C10orf67: variants seen among roughly 807,000 people sequenced by gnomAD.
C10orf67 encodes the protein uncharacterized protein C10orf67, mitochondrial.
Under a neutral mutation model 35.6 loss-of-function variants are expected in C10orf67, and 60 were observed. That is an observed-to-expected ratio of 1.68 (90% CI 1.37 to 2.09). The LOEUF (loss-of-function observed/expected upper bound fraction) is 2.09, where lower values mean the gene tolerates loss of function less well. Among genes scored for constraint, C10orf67 ranks in the 30% most tolerant of loss-of-function variants. The pLI, the probability that C10orf67 is intolerant of heterozygous loss-of-function variation, is 0.00. For missense variants in C10orf67, 474 were observed against 330.2 expected, an observed-to-expected ratio of 1.44 and a Z score of -3.38; for synonymous variants, 167 against 115.8, an observed-to-expected ratio of 1.44 and a Z score of -2.84.
At chr10:23,325,681 T>TATA (rs1554816960) in intron 2 of C10orf67, among the ~76,000 whole-genome samples, 10 of 145,104 alleles carry the variant, frequency 6.9e-5, no homozygotes, top group African/African-American at 1.3e-4. Flanking sequence ...ATTATATATA[T>TATA]AAAAAAAAAA....
chr10:23,218,229 T>A (rs1267092183), intron 15 of C10orf67, among the ~76,000 whole-genome samples: 1 of 151,710 alleles, frequency 6.6e-6, no homozygotes, highest in African/African-American at 2.4e-5. Flanking sequence ...AGCCTCCACC[T>A]CCCTGGGCTC....
intron 8 of C10orf67, among the ~76,000 whole-genome samples, chr10:23,281,612 G>A (rs917816314): frequency 3.9e-5 from 6 of 152,168 alleles, no homozygotes; most frequent in Admixed American, 1.3e-4. Context: ...GTTTTCTTAT[G>A]AGACTAACAC....
At chr10:23,241,534 T>G (rs1424568617) in intron 12 of C10orf67, among the ~76,000 whole-genome samples, 2 of 152,212 alleles carry the variant, frequency 1.3e-5, no homozygotes, top group South Asian at 2.1e-4. Flanking sequence ...CCCATGAAGA[T>G]ATCTACTTTC....
intron 13 of C10orf67, among the ~76,000 whole-genome samples, 161 bp from the exon 14 acceptor site, chr10:23,223,979 A>G (rs1346011913): frequency 1.3e-5 from 2 of 152,216 alleles, no homozygotes; most frequent in African/African-American, 2.4e-5. Flanking sequence ...CTTCATTCCA[A>G]TGGGATAGAG....
intron 15 of C10orf67, among the ~76,000 whole-genome samples, chr10:23,214,571 T>C (rs900170441): frequency 6.6e-6 from 1 of 151,850 alleles, no homozygotes. Flanking sequence ...GAAATATCTT[T>C]TAAAAATAGA....
chr10:23,317,528 T>TGCAGCCGGCATCTTTGCA (rs1201502444), intron 4 of C10orf67: 6 of 152,348 alleles, frequency 3.9e-5, no homozygotes, highest in African/African-American at 1.4e-4. Flanking sequence ...TCTCCCCTGC[T>TGCAGCCGGCATCTTTGCA]GCAGCCGGCA....
At chr10:23,309,591 A>G (rs780841418) in intron 4 of C10orf67, among the ~76,000 whole-genome samples, 1 of 152,200 alleles carries the variant, frequency 6.6e-6, no homozygotes, top group African/African-American at 2.4e-5. Context: ...CGCAGAAACC[A>G]ATGCACTAAA....
intron 15 of C10orf67, among the ~76,000 whole-genome samples, chr10:23,211,686 T>C (rs1841312028): frequency 6.6e-6 from 1 of 152,170 alleles, no homozygotes; most frequent in Non-Finnish European, 1.5e-5. Flanking sequence ...TTTACAAAGG[T>C]AAAGTGTTCT....
intron 3 of C10orf67, 59 bp downstream of exon 3, chr10:23,322,335 A>T: frequency 6.5e-7 from 1 of 1,535,034 alleles, no homozygotes; most frequent in Non-Finnish European, 8.9e-7. Context: ...ACTGCACTGC[A>T]TACACATCTA....
chr10:23,229,957 T>G (rs1401338201), intron 13 of C10orf67, among the ~76,000 whole-genome samples: 1 of 152,148 alleles, frequency 6.6e-6, no homozygotes, highest in Admixed American at 6.6e-5. Context: ...ATTTGTTTTG[T>G]TTTGTTTCTT....
At chr10:23,306,664 G>T (rs1844297278) in intron 4 of C10orf67, among the ~76,000 whole-genome samples, 1 of 152,098 alleles carries the variant, frequency 6.6e-6, no homozygotes, top group South Asian at 2.1e-4. Context: ...GTACAGTATG[G>T]TGACTATGGT....
In C10orf67 at chr10:23,289,970, A is replaced by G; in HGVS notation, c.851-12T>C. On this transcript the variant is annotated splice_polypyrimidine_tract_variant and intron_variant, in intron 6 of 15. Transcript: ENST00000636213. Reference sequence around the variant, plus strand: ...TATAAGTTCATCTTCTGTAAACAAAAGGAGAGAGAGGCCAACCATGAAATT... The same window carrying G: ...TATAAGTTCATCTTCTGTAAACAAAGGGAGAGAGAGGCCAACCATGAAATT... 1.4e-6 allele frequency: 1 copy of G among 716,264 alleles called. No homozygotes were observed. The highest frequency in any genetic ancestry group is 2.6e-6 in the Non-Finnish European group (1 of 384,566). The allele number at this position is 716,264 out of a possible 1,614,324, so 44.4% of individuals were successfully genotyped here.
At chr10:23,229,136 T>C (rs1394619778) in intron 13 of C10orf67, among the ~76,000 whole-genome samples, 1 of 152,044 alleles carries the variant, frequency 6.6e-6, no homozygotes, top group African/African-American at 2.4e-5. Flanking sequence ...CATGCACACG[T>C]ATGTTCACTG....
At chr10:23,254,064 T>C (rs944693061) in intron 10 of C10orf67, among the ~76,000 whole-genome samples, 1 of 152,208 alleles carries the variant, frequency 6.6e-6, no homozygotes, top group Non-Finnish European at 1.5e-5. Flanking sequence ...GGTCACTTCA[T>C]TGACAGGTGC....
At chr10:23,237,406 G>A (rs538310894) in intron 13 of C10orf67, among the ~76,000 whole-genome samples, 8 of 152,140 alleles carry the variant, frequency 5.3e-5, no homozygotes, top group East Asian at 1.9e-4. Context: ...CTGTGTCCTC[G>A]CCATTCCACT....
chr10:23,281,552 A>G (rs1237301771), intron 8 of C10orf67, among the ~76,000 whole-genome samples: 1 of 152,166 alleles, frequency 6.6e-6, no homozygotes, highest in East Asian at 1.9e-4. Flanking sequence ...GTCAACTGAT[A>G]AAAGACCAGC....
chr10:23,226,616 G>A lies in C10orf67; in HGVS notation c.1435-2798C>T, dbSNP rs376349758. 4.0e-5 allele frequency among the ~76,000 whole-genome samples: 6 copies of A among 151,704 alleles called. No individual in the cohort carries two copies. In the South Asian group the frequency reaches 6.3e-4, roughly 16 times the overall value. On this transcript the variant is annotated intron_variant, in intron 13 of 15. Transcript: ENST00000636213. ...GAGCAGAACTGAAGGAGATACAGAC[G>A]CAAAAAACCCTTCAAAAAATCAATG...
chr10:23,243,847 A>G (rs187481360), intron 12 of C10orf67, among the ~76,000 whole-genome samples: 2 of 152,236 alleles, frequency 1.3e-5, no homozygotes, highest in East Asian at 3.9e-4. Flanking sequence ...TTAAACTAGA[A>G]CTATAACTAG....
intron 4 of C10orf67, among the ~76,000 whole-genome samples, chr10:23,312,917 C>T (rs1396100579): frequency 2.6e-5 from 4 of 152,128 alleles, no homozygotes; most frequent in African/African-American, 7.2e-5. Flanking sequence ...GGACTGCGTT[C>T]GGACTCAAGC....
Sources: allele counts gnomAD v4.1 joint callset (sites outside exome capture counted in the v4.1 genomes callset), GRCh38; gene constraint gnomAD v4.1.1; transcripts MANE v1.5; gene names NCBI Gene and HGNC (gene_info 2026-07-23, HGNC 2026-07-21).